Variants in CCSER1 observed in about 807,000 individuals in gnomAD.
CCSER1 encodes coiled-coil serine rich protein 1, also known as serine-rich coiled-coil domain-containing protein 1.
A neutral mutation model predicts 82.0 loss-of-function variants in CCSER1; 41 were observed. The observed-to-expected ratio is 0.50, with a 90% CI of 0.39 to 0.65. The LOEUF is 0.65. Among genes scored for constraint, CCSER1 ranks in the 30% least tolerant of loss-of-function variants. The pLI is 0.00. For missense variants in CCSER1, 1,119 were observed against 1,064.2 expected, an observed-to-expected ratio of 1.05 and a Z score of -0.72; for synonymous variants, 414 against 383.9, an observed-to-expected ratio of 1.08 and a Z score of -0.92.
chr4:90,197,845 T>C (rs1736899835), intron 1 of CCSER1, among the ~76,000 whole-genome samples: 1 of 151,728 alleles, frequency 6.6e-6, no homozygotes, highest in Non-Finnish European at 1.5e-5. Flanking sequence ...AAAAATAGAA[T>C]GACTAAGCCA....
rs1365531934 is a variant in CCSER1 at position 91,603,311 on chromosome 4, A to G, written c.*4254A>G. On this transcript the variant is annotated 3_prime_UTR_variant, in exon 11 of 11. Transcript: ENST00000509176. The stretch of plus-strand genomic sequence containing the variant: ...TGTTTCACCATGTTAAACTGCATAC[A>G]TACCCATGAACTATTTATTTACAAT... The G allele has an allele frequency of 6.6e-6, 1 of 152,134 alleles. No homozygotes were observed. The highest frequency in any genetic ancestry group is 1.5e-5 in the Non-Finnish European group (1 of 67,986). 9.4% of individuals were successfully genotyped at this position (152,134 alleles called of 1,614,324 possible).
chr4:90,370,025 CAAA>C (rs984182504), intron 3 of CCSER1: 17 of 152,196 alleles, frequency 1.1e-4, no homozygotes, highest in Middle Eastern at 3.4e-3. Context: ...AAACCTTACT[CAAA>C]GAAGCACAGC....
At chr4:91,145,248 G>A (rs1198302362) in intron 10 of CCSER1, among the ~76,000 whole-genome samples, 1 of 152,098 alleles carries the variant, frequency 6.6e-6, no homozygotes, top group Non-Finnish European at 1.5e-5. Context: ...TTGGTTTAAA[G>A]TATGTTTTAT....
At chr4:90,687,100 A>G (rs1168546030) in intron 6 of CCSER1, among the ~76,000 whole-genome samples, 1 of 152,208 alleles carries the variant, frequency 6.6e-6, no homozygotes, top group Non-Finnish European at 1.5e-5. Context: ...TACAATGACT[A>G]GAAGAAAAAG....
intron 10 of CCSER1, among the ~76,000 whole-genome samples, chr4:91,549,059 C>CT (rs932683817): frequency 3.3e-5 from 5 of 151,962 alleles, no homozygotes; most frequent in African/African-American, 1.2e-4. Flanking sequence ...GTTTTTCAGC[C>CT]TTTTTTTCTG....
chr4:90,433,327 A>G (rs1758560300), intron 4 of CCSER1, among the ~76,000 whole-genome samples: 1 of 152,060 alleles, frequency 6.6e-6, no homozygotes, highest in African/African-American at 2.4e-5. Flanking sequence ...TATCTTGATA[A>G]ATTCTACAGG....
chr4:90,642,637 G>A lies in CCSER1; in HGVS notation c.1932+14405G>A, dbSNP rs143121043. Reference sequence around the variant, plus strand: ...GAGGATTGCTTGAGCTCAGGAGTTCGAGACAAGCCTGGGCAACATAGAGAT... The same window carrying A: ...GAGGATTGCTTGAGCTCAGGAGTTCAAGACAAGCCTGGGCAACATAGAGAT... On this transcript the variant is annotated intron_variant, in intron 6 of 10. Coordinates refer to ENST00000509176, the MANE Select transcript of CCSER1 (RefSeq NM_001145065.2). Among the ~76,000 whole-genome samples the A allele has an allele frequency of 7.6e-4, 116 of 152,238 alleles. 2 individuals are homozygous for A. In the South Asian group the frequency reaches 0.011, roughly 14 times the overall value.
intron 10 of CCSER1, among the ~76,000 whole-genome samples, chr4:91,236,718 A>T (rs1354336327): frequency 2.0e-5 from 3 of 152,222 alleles, no homozygotes; most frequent in Non-Finnish European, 1.5e-5. Flanking sequence ...AAATACTTAA[A>T]TTTAAAAAGC....
intron 9 of CCSER1, among the ~76,000 whole-genome samples, chr4:90,942,231 G>A (rs1004959371): frequency 6.6e-6 from 1 of 152,108 alleles, no homozygotes; most frequent in African/African-American, 2.4e-5. Context: ...GGGATTACAG[G>A]TGTGAGCCAC....
intron 10 of CCSER1, among the ~76,000 whole-genome samples, chr4:91,105,025 G>C (rs1395023368): frequency 6.6e-6 from 1 of 152,126 alleles, no homozygotes; most frequent in African/African-American, 2.4e-5. Flanking sequence ...TACCCATTAA[G>C]TAATTTCTCA....
chr4:90,726,069 A>G lies in CCSER1; in HGVS notation c.2010+2078A>G, dbSNP rs191805692. 1.1e-3 allele frequency among the ~76,000 whole-genome samples: 167 copies of G among 152,052 alleles called. 1 individual carries two copies. Among genetic ancestry groups the G allele is most frequent in the Non-Finnish European group, 1.9e-4 (13 of 67,874 alleles). On this transcript the variant is annotated intron_variant, in intron 7 of 10. Transcript: ENST00000509176. ...ACATTAGAAGAGCAAAGCTTCTTCT[A>G]ATATTGGTGGGTGATTGAGGGATTT...
chr4:90,960,415 C>T (rs1356392991), intron 9 of CCSER1, among the ~76,000 whole-genome samples: 1 of 152,120 alleles, frequency 6.6e-6, no homozygotes, highest in Admixed American at 6.6e-5. Context: ...GGTATCTTGT[C>T]AGTCTTTACT....
intron 5 of CCSER1, among the ~76,000 whole-genome samples, chr4:90,532,371 G>T (rs184245250): frequency 6.6e-6 from 1 of 151,770 alleles, no homozygotes; most frequent in Non-Finnish European, 1.5e-5. Flanking sequence ...TTTTTCTTTG[G>T]CTTCTGTGAT....
chr4:91,567,711 T>A (rs1762959205), intron 10 of CCSER1, among the ~76,000 whole-genome samples: 1 of 151,864 alleles, frequency 6.6e-6, no homozygotes, highest in Admixed American at 6.6e-5. Context: ...GTTTTTTTTC[T>A]ATTTTCCATT....
chr4:90,476,697 A>G (rs1214518016), intron 5 of CCSER1, among the ~76,000 whole-genome samples: 1 of 152,230 alleles, frequency 6.6e-6, no homozygotes, highest in East Asian at 1.9e-4. Context: ...AAAAATTCCC[A>G]GAGAAACTGC....
chr4:91,440,018 A>C (rs569804302), intron 10 of CCSER1, among the ~76,000 whole-genome samples: 2 of 151,970 alleles, frequency 1.3e-5, no homozygotes, highest in Admixed American at 6.6e-5. Flanking sequence ...TAATAATGGG[A>C]GATTTTAACA....
intron 1 of CCSER1, among the ~76,000 whole-genome samples, chr4:90,188,586 T>G (rs1053778961): frequency 6.6e-6 from 1 of 151,976 alleles, no homozygotes; most frequent in African/African-American, 2.4e-5. Context: ...ATTTACATAC[T>G]AAGTTTTAGT....
intron 5 of CCSER1, among the ~76,000 whole-genome samples, chr4:90,525,155 A>G (rs1486398352): frequency 1.3e-5 from 2 of 152,034 alleles, no homozygotes; most frequent in South Asian, 2.1e-4. Context: ...GCAAAAATCA[A>G]TAGTTTCATA....
intron 10 of CCSER1, among the ~76,000 whole-genome samples, chr4:91,107,052 T>C (rs148389000): frequency 6.6e-6 from 1 of 152,336 alleles, no homozygotes; most frequent in African/African-American, 2.4e-5. Context: ...AGCTTTTCTC[T>C]GTTTAGATAT....
Sources: gnomAD v4.1 joint callset for allele counts (sites outside exome capture counted in the v4.1 genomes callset) on GRCh38, gnomAD v4.1.1 for gene constraint, MANE v1.5 for transcripts, NCBI Gene and HGNC (gene_info 2026-07-23, HGNC 2026-07-21) for gene names.